NFIB: variants seen among roughly 807,000 people sequenced by gnomAD.
The protein encoded by NFIB is nuclear factor I B.
Under a neutral mutation model 61.5 loss-of-function variants are expected in NFIB, and 11 were observed. The ratio of observed to expected loss-of-function variants is 0.18; its 90% CI spans 0.11 to 0.30. The LOEUF is 0.30. Among genes scored for constraint, NFIB ranks in the 10% least tolerant of loss-of-function variants. The pLI is 1.00. For missense variants in NFIB, 471 were observed against 608.9 expected, an observed-to-expected ratio of 0.77 and a Z score of 2.38; for synonymous variants, 260 against 216.5, an observed-to-expected ratio of 1.20 and a Z score of -1.76.
At chr9:14,302,733 T>C (rs1205752519) in intron 2 of NFIB, among the ~76,000 whole-genome samples, 1 of 151,820 alleles carries the variant, frequency 6.6e-6, no homozygotes, top group Non-Finnish European at 1.5e-5. Flanking sequence ...CCAATCCCAC[T>C]CCCGCCCCCC....
At chr9:14,517,229 C>A in the NFIB span, among the ~76,000 whole-genome samples, 1 of 152,210 alleles carries the variant, frequency 6.6e-6, no homozygotes, top group Non-Finnish European at 1.5e-5. Context: ...AATTTCCCCC[C>A]ACCAACCTCT....
chr9:14,397,215 G>A (rs1318588025), intron 1 of NFIB, among the ~76,000 whole-genome samples: 1 of 152,164 alleles, frequency 6.6e-6, no homozygotes, highest in Non-Finnish European at 1.5e-5. Flanking sequence ...CAAAATTGCT[G>A]TTGTCATGTT....
Position 14,193,078 on chromosome 9 carries a change from G to A in NFIB, c.563-13298C>T, listed in dbSNP as rs188169087. The stretch of plus-strand genomic sequence containing the variant: ...CATTCAGTACTAAGTACAAAATTCT[G>A]TATCCCAAAGTTTTTTGTAATGCAT... On this transcript the variant is annotated intron_variant, in intron 2 of 10. Coordinates refer to ENST00000380953, the MANE Select transcript of NFIB (RefSeq NM_001190737.2). 4.3e-3 allele frequency among the ~76,000 whole-genome samples: 654 copies of A among 151,320 alleles called. 5 individuals are homozygous for A. The highest frequency in any genetic ancestry group is 9.8e-3 in the African/African-American group (402 of 41,194).
At chr9:14,165,541 G>A (rs1434303391) in intron 3 of NFIB, among the ~76,000 whole-genome samples, 1 of 152,088 alleles carries the variant, frequency 6.6e-6, no homozygotes, top group Non-Finnish European at 1.5e-5. Flanking sequence ...ATATCAAGAT[G>A]CTGAAAATGT....
intron 10 of NFIB, among the ~76,000 whole-genome samples, chr9:14,109,183 T>A (rs1442832854): frequency 6.6e-6 from 1 of 152,066 alleles, no homozygotes; most frequent in Non-Finnish European, 1.5e-5. Flanking sequence ...TATTCATCCA[T>A]GCTAAAATTG....
chr9:14,331,555 C>A (rs2132850004), intron 1 of NFIB, among the ~76,000 whole-genome samples: 1 of 152,354 alleles, frequency 6.6e-6, no homozygotes, highest in African/African-American at 2.4e-5. Flanking sequence ...AAGAACTTAT[C>A]AAGCTGGGTA....
the NFIB span, among the ~76,000 whole-genome samples, chr9:14,482,787 C>G: frequency 6.6e-6 from 1 of 152,318 alleles, no homozygotes; most frequent in African/African-American, 2.4e-5. Context: ...ACTTGCTATA[C>G]AAACCTCTCT....
intron 1 of NFIB, among the ~76,000 whole-genome samples, chr9:14,344,818 TACTAAAAGA>T (rs1363177678): frequency 6.6e-6 from 1 of 152,064 alleles, no homozygotes; most frequent in Non-Finnish European, 1.5e-5. Flanking sequence ...AGGGCATACA[TACTAAAAGA>T]ACTACCAACA....
At chr9:14,308,245 C>G (rs765866670) in intron 1 of NFIB, among the ~76,000 whole-genome samples, 1 of 152,130 alleles carries the variant, frequency 6.6e-6, no homozygotes, top group Non-Finnish European at 1.5e-5. Context: ...GGACACAGCT[C>G]GTCGTATCAG....
At chr9:14,216,541 TCCC>T (rs2050935338) in intron 2 of NFIB, among the ~76,000 whole-genome samples, 21 of 31,014 alleles carry the variant, frequency 6.8e-4, no homozygotes, top group East Asian at 6.6e-3. Flanking sequence ...TCTCTCTCTC[TCCC>T]TCTGTGTGTG....
rs2042319473 is a variant in NFIB at position 14,146,783 on chromosome 9, T to C, written c.831A>G (p.Ile277Met). ...TAGGACTTGGTTCCATATTTTCATC[T>C]ATGGATATAGTTTTGGGTCTTTTGC... ...PSSKRPKTIS[I>M]DENMEPSPTG... Residue 277 changes from isoleucine (I) to methionine (M), a missense_variant, in exon 6 of 11, where the codon ATA becomes ATG. Ile to Met is a conservative substitution (Grantham distance 10, BLOSUM62 1). Coordinates refer to ENST00000380953, the MANE Select transcript of NFIB (RefSeq NM_001190737.2). 2 of 1,604,086 alleles carry C rather than the reference T, an allele frequency of 1.2e-6. No homozygotes were observed. Among genetic ancestry groups the C allele is most frequent in the African/African-American group, 2.7e-5 (2 of 74,126 alleles).
chr9:14,194,965 C>G (rs1166880055), intron 2 of NFIB, among the ~76,000 whole-genome samples: 1 of 152,104 alleles, frequency 6.6e-6, no homozygotes. Context: ...CTCTCTCTCT[C>G]TCTCTTTCAC....
In NFIB at chr9:14,204,388, C is replaced by T. The variant is rs1002462241; in HGVS notation, c.563-24608G>A. 12 of 1,085,902 alleles carry T rather than the reference C, an allele frequency of 1.1e-5. No individual in the cohort carries two copies. In the Admixed American group the frequency reaches 1.9e-4, roughly 18 times the overall value. The allele number at this position is 1,085,902 out of a possible 1,614,324, so 67.3% of individuals were successfully genotyped here. A position where few individuals can be genotyped will look rare whatever the true frequency, so the allele number is the denominator to read the frequency against. ...TTGGCATTAGACAGGACATCCAGCC[C>T]AAAAGAGACCTCGCCCGCTTTGTGA... is the stretch of plus-strand genomic sequence containing the variant. On this transcript the variant is annotated intron_variant, in intron 2 of 10. Transcript: ENST00000380953.
chr9:14,105,129 C>T (rs1277706317), intron 10 of NFIB, among the ~76,000 whole-genome samples: 2 of 152,094 alleles, frequency 1.3e-5, no homozygotes, highest in African/African-American at 4.8e-5. Flanking sequence ...GTCAAATGGG[C>T]TATCTTTGAC....
chr9:14,220,026 C>A (rs886737344), intron 2 of NFIB, among the ~76,000 whole-genome samples: 1 of 152,168 alleles, frequency 6.6e-6, no homozygotes, highest in Admixed American at 6.5e-5. Context: ...AACAGGCCCT[C>A]GTCCCTGGTA....
the NFIB span, among the ~76,000 whole-genome samples, chr9:14,424,519 G>A: frequency 2.0e-4 from 31 of 152,202 alleles, no homozygotes; most frequent in African/African-American, 6.7e-4. Flanking sequence ...GTTTACGCGG[G>A]GCGACCTGCA....
chr9:14,301,589 T>TC (rs1394539265), intron 2 of NFIB, among the ~76,000 whole-genome samples: 5 of 150,752 alleles, frequency 3.3e-5, no homozygotes, highest in Non-Finnish European at 1.5e-5. Context: ...TCTCCTTCTC[T>TC]CCCCCCACCC....
chr9:14,124,010 T>G (rs1195462500), intron 7 of NFIB, among the ~76,000 whole-genome samples: 1 of 152,134 alleles, frequency 6.6e-6, no homozygotes, highest in Admixed American at 6.6e-5. Flanking sequence ...ATGTTCAGAT[T>G]AGATGCCCAG....
At chr9:14,112,458 C>CA (rs959825394) in intron 10 of NFIB, among the ~76,000 whole-genome samples, 1 of 151,136 alleles carries the variant, frequency 6.6e-6, no homozygotes, top group Admixed American at 6.6e-5. Context: ...AAAGCAGAAC[C>CA]AAAAAAAAGT....
Sources: allele counts gnomAD v4.1 joint callset (sites outside exome capture counted in the v4.1 genomes callset), GRCh38; gene constraint gnomAD v4.1.1; transcripts MANE v1.5; gene names NCBI Gene and HGNC (gene_info 2026-07-23, HGNC 2026-07-21).